Variants in CAAP1 observed in about 807,000 individuals in gnomAD.
The protein encoded by CAAP1 is caspase activity and apoptosis inhibitor 1, also known as conserved anti-apoptotic protein.
In CAAP1, 20 loss-of-function variants were observed where a neutral mutation model predicts 34.0. That is an observed-to-expected ratio of 0.59 (90% CI 0.41 to 0.86). The LOEUF (loss-of-function observed/expected upper bound fraction) is 0.86, where lower values mean the gene tolerates loss of function less well. Ranked by LOEUF, CAAP1 falls within the 40% of genes least tolerant of loss-of-function variation. The pLI is 0.00. For missense variants in CAAP1, 538 were observed against 450.5 expected (o/e 1.19, Z -1.76); for synonymous variants, 213 against 166.7 (o/e 1.28, Z -2.14).
Position 26,887,485 on chromosome 9 carries a change from T to A in CAAP1, c.332A>T (p.Glu111Val). Reference sequence around the variant, plus strand: ...GTGCTCTGCCAAGAATAATTCTTTTTCCAAAGTTGGCAAAATATATTTAGT... The same window carrying A: ...GTGCTCTGCCAAGAATAATTCTTTTACCAAAGTTGGCAAAATATATTTAGT... ...QETKYILPTL[E>V]KELFLAEHSD... Residue 111 changes from glutamate to valine, a missense_variant, in exon 2 of 6, where the codon GAA becomes GTA. Coordinates refer to ENST00000333916, the MANE Select transcript of CAAP1 (RefSeq NM_024828.4). The A allele has an allele frequency of 6.2e-7, 1 of 1,604,148 alleles. No individual in the cohort carries two copies. The highest frequency in any genetic ancestry group is 1.1e-5 in the South Asian group (1 of 88,122).
intron 1 of CAAP1, among the ~76,000 whole-genome samples, chr9:26,890,612 C>T (rs1253804183): frequency 6.6e-6 from 1 of 151,956 alleles, no homozygotes; most frequent in African/African-American, 2.4e-5. Flanking sequence ...CAATCCATTA[C>T]AAAAATAAAA....
chr9:26,871,255 A>G (rs1823268288), intron 4 of CAAP1, among the ~76,000 whole-genome samples: 1 of 152,092 alleles, frequency 6.6e-6, no homozygotes, highest in African/African-American at 2.4e-5. Context: ...CCAACTCATC[A>G]AAAAGGACAT....
At chr9:26,867,454 C>A (rs531968360) in intron 4 of CAAP1, among the ~76,000 whole-genome samples, 2 of 152,176 alleles carry the variant, frequency 1.3e-5, no homozygotes, top group South Asian at 4.1e-4. Context: ...ACCATCCCAC[C>A]TATTCATATC....
chr9:26,858,486 T>C (rs1234493886), intron 5 of CAAP1, among the ~76,000 whole-genome samples: 1 of 152,190 alleles, frequency 6.6e-6, no homozygotes, highest in African/African-American at 2.4e-5. Flanking sequence ...AATCATTTAG[T>C]AGATATTCTT....
chr9:26,849,839 C>T (rs1822702380), intron 5 of CAAP1, among the ~76,000 whole-genome samples: 1 of 151,144 alleles, frequency 6.6e-6, no homozygotes, highest in Admixed American at 6.6e-5. Flanking sequence ...AATAGTAAAA[C>T]AATTTTTTTT....
At chr9:26,863,820 T>C (rs1823061990) in intron 4 of CAAP1, among the ~76,000 whole-genome samples, 1 of 151,030 alleles carries the variant, frequency 6.6e-6, no homozygotes, top group Admixed American at 6.6e-5. Context: ...TTGAGACAGG[T>C]TGTTGTCCCG....
intron 5 of CAAP1, among the ~76,000 whole-genome samples, chr9:26,858,911 T>C (rs1822939497): frequency 2.1e-5 from 3 of 140,314 alleles, no homozygotes; most frequent in Admixed American, 1.6e-4. Flanking sequence ...GGCAGGAGAA[T>C]GGTGTGAACC....
chr9:26,849,924 C>T (rs865779274), intron 5 of CAAP1, among the ~76,000 whole-genome samples: 5 of 151,706 alleles, frequency 3.3e-5, no homozygotes, highest in Non-Finnish European at 7.4e-5. Context: ...CTGCAAGCTC[C>T]GCCTCCCAGG....
intron 4 of CAAP1, among the ~76,000 whole-genome samples, chr9:26,871,223 G>T (rs1013323923): frequency 2.0e-5 from 3 of 152,126 alleles, no homozygotes; most frequent in African/African-American, 7.2e-5. Flanking sequence ...CTAATGACAT[G>T]AGCTAAACCT....
intron 4 of CAAP1, among the ~76,000 whole-genome samples, chr9:26,864,709 T>C (rs12351187): frequency 0.043 from 6,503 of 152,290 alleles, 478 homozygotes; most frequent in African/African-American, 0.15. Flanking sequence ...ATAGTATCTC[T>C]TCTTTGCTCT....
intron 4 of CAAP1, 33 bp downstream of exon 4, chr9:26,884,777 T>C (rs755100234): frequency 1.4e-6 from 2 of 1,447,360 alleles, no homozygotes; most frequent in Admixed American, 1.8e-5. Flanking sequence ...AACAAAGAAA[T>C]TTTGAAATAA....
intron 4 of CAAP1, among the ~76,000 whole-genome samples, chr9:26,883,229 T>C (rs887368145): frequency 1.3e-5 from 2 of 152,054 alleles, no homozygotes; most frequent in African/African-American, 4.8e-5. Flanking sequence ...TCCACCCAAA[T>C]CTCATCTGGA....
intron 5 of CAAP1, among the ~76,000 whole-genome samples, chr9:26,845,350 T>A (rs1822575051): frequency 1.3e-5 from 2 of 152,224 alleles, no homozygotes; most frequent in Non-Finnish European, 2.9e-5. Flanking sequence ...ATTTTTCTTT[T>A]CTGGATTTTG....
At chr9:26,866,003 T>C (rs145524802) in intron 4 of CAAP1, among the ~76,000 whole-genome samples, 3,379 of 152,082 alleles carry the variant, frequency 0.022, 127 homozygotes, top group African/African-American at 0.077. Context: ...CATACCACTA[T>C]ACCCGGTTAA....
intron 5 of CAAP1, among the ~76,000 whole-genome samples, chr9:26,847,083 C>G (rs995696667): frequency 4.0e-5 from 6 of 150,642 alleles, no homozygotes; most frequent in Non-Finnish European, 7.4e-5. Context: ...CACTCTTTGG[C>G]TTACTTTTTT....
chr9:26,883,743 A>G (rs1823659444), intron 4 of CAAP1, among the ~76,000 whole-genome samples: 1 of 152,222 alleles, frequency 6.6e-6, no homozygotes, highest in South Asian at 2.1e-4. Context: ...AAAAAGAAAC[A>G]AAGTGATTAA....
intron 5 of CAAP1, among the ~76,000 whole-genome samples, chr9:26,856,125 A>T (rs1000487761): frequency 3.8e-5 from 5 of 132,656 alleles, no homozygotes; most frequent in Non-Finnish European, 6.2e-5. Context: ...AATTTTTTTT[A>T]AAAGGGGGGG....
intron 1 of CAAP1, 120 bp downstream of exon 1, chr9:26,892,293 G>A (rs1823922675): frequency 6.5e-7 from 1 of 1,536,684 alleles, no homozygotes; most frequent in African/African-American, 1.4e-5. Flanking sequence ...CTCAAGGACG[G>A]ACGACCTTGA....
rs1822478218 is a variant in CAAP1 at position 26,841,458 on chromosome 9, A to T, written c.*843T>A. 6.6e-6 allele frequency: 1 copy of T among 152,552 alleles called. No individual in the cohort carries two copies. Among genetic ancestry groups the T allele is most frequent in the African/African-American group, 2.4e-5 (1 of 41,458 alleles). The allele number at this position is 152,552 out of a possible 1,614,324, so 9.4% of individuals were successfully genotyped here. ...CTGAAATTAATTTTGCTTTTGAAAAAGTATCAAAAGTCTTCAGATCCAGAA... is the reference window on the plus strand; with the variant it reads ...CTGAAATTAATTTTGCTTTTGAAAATGTATCAAAAGTCTTCAGATCCAGAA... On this transcript the variant is annotated 3_prime_UTR_variant, in exon 6 of 6. Coordinates refer to ENST00000333916, the MANE Select transcript of CAAP1 (RefSeq NM_024828.4).
Sources: allele counts gnomAD v4.1 joint callset (sites outside exome capture counted in the v4.1 genomes callset), GRCh38; gene constraint gnomAD v4.1.1; transcripts MANE v1.5; gene names NCBI Gene and HGNC (gene_info 2026-07-23, HGNC 2026-07-21).